Variants in TSPAN8 observed in about 807,000 individuals in gnomAD.
TSPAN8 encodes the protein tetraspanin 8.
A neutral mutation model predicts 32.8 loss-of-function variants in TSPAN8; 21 were observed. That is an observed-to-expected ratio of 0.64 (90% CI 0.45 to 0.92). The LOEUF is 0.92. TSPAN8 is among the 40% of genes least tolerant of loss of function. The pLI is 0.00. For missense variants in TSPAN8, 269 were observed against 281.9 expected (o/e 0.95, Z 0.33); for synonymous variants, 95 against 94.6 (o/e 1.00, Z -0.03).
At chr12:71,142,559 G>A (rs1232529817) in intron 3 of TSPAN8, among the ~76,000 whole-genome samples, 1 of 152,144 alleles carries the variant, frequency 6.6e-6, no homozygotes, top group African/African-American at 2.4e-5. Flanking sequence ...GATTCTACAG[G>A]ATGGTAATTC....
At chr12:71,126,736 A>G (rs943568261) in intron 8 of TSPAN8, among the ~76,000 whole-genome samples, 1 of 151,800 alleles carries the variant, frequency 6.6e-6, no homozygotes, top group African/African-American at 2.4e-5. Flanking sequence ...TTATCCTACA[A>G]AGTGATGGCT....
chr12:71,154,349 A>G (rs1872357195), intron 2 of TSPAN8, among the ~76,000 whole-genome samples: 1 of 149,002 alleles, frequency 6.7e-6, no homozygotes, highest in Non-Finnish European at 1.5e-5. Flanking sequence ...AATAATAATA[A>G]TAATAATCAG....
In TSPAN8 at chr12:71,139,801, G is replaced by A. The variant is rs118147203; in HGVS notation, c.171C>T (p.Asp57=). The A allele has an allele frequency of 2.3e-3, 3,711 of 1,613,990 alleles. 92 individuals carry two copies. In the East Asian group the frequency reaches 0.05, roughly 22 times the overall value. The change falls in exon 4 of 9, where the codon GAC becomes GAT. Residue 57 remains aspartate, a synonymous_variant. Transcript: ENST00000247829. ...DVGSSSYVAV[D]ILIAVGAIIM... ...TGATGGCACCTACAGCAATCAATAT[G>A]TCCACAGCAACGTAGGAGCTAGAGC...
chr12:71,132,017 T>C (rs911394500), intron 7 of TSPAN8, among the ~76,000 whole-genome samples: 1 of 152,178 alleles, frequency 6.6e-6, no homozygotes, highest in Admixed American at 6.5e-5. Context: ...AGGTGGTCAG[T>C]AAGTATTTGA....
chr12:71,154,320 T>TAAG (rs1248906522), intron 2 of TSPAN8, among the ~76,000 whole-genome samples: 1 of 126,192 alleles, frequency 7.9e-6, no homozygotes, highest in Non-Finnish European at 1.5e-5. Context: ...AAAATAATAA[T>TAAG]AATAATAATA....
chr12:71,134,930 A>G (rs563548232), intron 6 of TSPAN8, among the ~76,000 whole-genome samples: 2 of 152,300 alleles, frequency 1.3e-5, no homozygotes, highest in East Asian at 3.9e-4. Flanking sequence ...TAACAGCTGG[A>G]TGAAAAAGGC....
At chr12:71,132,215 C>A (rs1018633267) in intron 7 of TSPAN8, among the ~76,000 whole-genome samples, 2 of 152,088 alleles carry the variant, frequency 1.3e-5, no homozygotes, top group African/African-American at 4.8e-5. Flanking sequence ...AGAACCTAAA[C>A]CCTTAAATGT....
chr12:71,154,270 G>A (rs773433024), intron 2 of TSPAN8, among the ~76,000 whole-genome samples: 7 of 151,214 alleles, frequency 4.6e-5, no homozygotes, highest in South Asian at 2.1e-4. Flanking sequence ...AGATCATGCC[G>A]CTGTATTCCA....
At chr12:71,129,140 C>G (rs1871435397) in intron 8 of TSPAN8, among the ~76,000 whole-genome samples, 191 bp downstream of exon 8, 1 of 151,962 alleles carries the variant, frequency 6.6e-6, no homozygotes, top group African/African-American at 2.4e-5. Context: ...AGACTGGAAT[C>G]TCCCCCTCAG....
At chr12:71,146,941 C>CT (rs1046625965) in intron 2 of TSPAN8, among the ~76,000 whole-genome samples, 20 of 152,204 alleles carry the variant, frequency 1.3e-4, no homozygotes, top group African/African-American at 4.8e-4. Flanking sequence ...TCTGATAGAA[C>CT]TGGTGACCTT....
intron 3 of TSPAN8, 79 bp downstream of exon 3, chr12:71,144,072 C>T (rs1470314553): frequency 1.6e-6 from 2 of 1,268,762 alleles, no homozygotes; most frequent in African/African-American, 1.5e-5. Context: ...ATGTTTATTA[C>T]TATTATTGTT....
At chr12:71,142,172 A>G (rs903147579) in intron 3 of TSPAN8, among the ~76,000 whole-genome samples, 2 of 152,202 alleles carry the variant, frequency 1.3e-5, no homozygotes, top group Non-Finnish European at 2.9e-5. Context: ...CCAATTTTAT[A>G]TAAGTCAAGC....
chr12:71,149,127 T>C (rs1872163685), intron 2 of TSPAN8, among the ~76,000 whole-genome samples: 1 of 152,100 alleles, frequency 6.6e-6, no homozygotes, highest in South Asian at 2.1e-4. Flanking sequence ...GAGTAGAATG[T>C]GCTGAGGCAG....
At chr12:71,134,747 G>A (rs1814700) in intron 6 of TSPAN8, among the ~76,000 whole-genome samples, 121,660 of 152,154 alleles carry the variant, frequency 0.8, 48,991 homozygotes, top group Admixed American at 0.85. Context: ...TTTACAGATC[G>A]GTTCATATTT....
intron 6 of TSPAN8, among the ~76,000 whole-genome samples, chr12:71,133,209 G>A (rs1239470904): frequency 6.6e-6 from 1 of 151,890 alleles, no homozygotes; most frequent in Non-Finnish European, 1.5e-5. Context: ...TCAGCCTCCC[G>A]AGTAGCTGGG....
intron 4 of TSPAN8, chr12:71,139,217 C>G: frequency 2.2e-6 from 1 of 457,450 alleles, no homozygotes; most frequent in South Asian, 1.5e-5. Context: ...CCCAAGGCTT[C>G]TCAGTTCCCA....
intron 7 of TSPAN8, among the ~76,000 whole-genome samples, chr12:71,131,541 C>T (rs545518588): frequency 3.0e-4 from 46 of 151,558 alleles, no homozygotes; most frequent in African/African-American, 9.2e-4. Flanking sequence ...AAAGAATCTT[C>T]GGGTATTATA....
intron 2 of TSPAN8, among the ~76,000 whole-genome samples, chr12:71,145,433 A>G (rs1372323337): frequency 6.6e-6 from 1 of 152,098 alleles, no homozygotes; most frequent in Non-Finnish European, 1.5e-5. Flanking sequence ...CAAAATAACT[A>G]ATGCAATTAA....
intron 6 of TSPAN8, 110 bp from the exon 7 acceptor site, chr12:71,132,934 A>C: frequency 7.9e-7 from 1 of 1,265,386 alleles, no homozygotes; most frequent in South Asian, 1.4e-5. Flanking sequence ...TTATGCTAAA[A>C]TACCATGTAA....
Sources: allele counts gnomAD v4.1 joint callset (sites outside exome capture counted in the v4.1 genomes callset), GRCh38; gene constraint gnomAD v4.1.1; transcripts MANE v1.5; gene names NCBI Gene and HGNC (gene_info 2026-07-23, HGNC 2026-07-21).